The following IWS1 variants were observed in gnomAD, a reference collection of about 807,000 sequenced individuals.
IWS1 encodes interacts with SUPT6H, CTD assembly factor 1.
IWS1 carries 27 observed loss-of-function variants against 86.7 expected under a neutral mutation model. The observed-to-expected ratio is 0.31, with a 90% confidence interval of 0.23 to 0.43. The LOEUF is 0.43. Among genes scored for constraint, IWS1 ranks in the 20% least tolerant of loss-of-function variants. The probability of loss-of-function intolerance (pLI) is 1.00; values close to 1 mark genes in which losing one functional copy is unlikely to be tolerated. For synonymous variants in IWS1, 313 were observed against 335.1 expected (o/e 0.93, Z 0.72); for missense variants, 827 against 1,000.8 (o/e 0.83, Z 2.34).
At chr2:127,481,209 C>G in intron 13 of IWS1, 34 bp from the exon 14 acceptor site, 1 of 1,573,702 alleles carries the variant, frequency 6.4e-7, no homozygotes, top group Non-Finnish European at 8.6e-7. Context: ...GAGCAAACTA[C>G]TGAAATACGT....
At chr2:127,521,165 T>C (rs1483776892) in intron 2 of IWS1, among the ~76,000 whole-genome samples, 1 of 152,158 alleles carries the variant, frequency 6.6e-6, no homozygotes, top group East Asian at 1.9e-4. Context: ...GGCAGGAGAA[T>C]TGCTTGAACC....
chr2:127,523,968 CAT>C lies in IWS1; in HGVS notation c.35-179_35-178del, dbSNP rs534876857. Among the ~76,000 whole-genome samples, 365 of 152,288 alleles carry C rather than the reference CAT, an allele frequency of 2.4e-3. 1 individual carries two copies. Among genetic ancestry groups the C allele is most frequent in the Non-Finnish European group, 4.2e-3 (289 of 68,020 alleles). On this transcript the variant is annotated intron_variant, in intron 1 of 13. Coordinates refer to ENST00000295321, the MANE Select transcript of IWS1 (RefSeq NM_017969.3). ...CAATACTCATACAAACACCAACAAG[CAT>C]AACATGTACTGTGAAATACGTGGCA...
intron 2 of IWS1, among the ~76,000 whole-genome samples, chr2:127,512,936 C>T (rs1257155795): frequency 6.6e-6 from 1 of 152,136 alleles, no homozygotes; most frequent in Non-Finnish European, 1.5e-5. Context: ...AAATGCATTC[C>T]AATCTAAAGA....
Position 127,486,417 on chromosome 2 carries a change from T to C in IWS1, c.2328+136A>G, listed in dbSNP as rs559448456. ...TCTATTGCTCAATTTGTGGTTTGGC[T>C]AGATAAGCGACCAGAAAACAGTCCT... On this transcript the variant is annotated intron_variant, in intron 13 of 13. Coordinates refer to ENST00000295321, the MANE Select transcript of IWS1 (RefSeq NM_017969.3). 10 of 635,014 alleles carry C rather than the reference T, an allele frequency of 1.6e-5. No individual in the cohort carries two copies. The East Asian group carries it at 1.7e-4, about 11-fold the overall frequency. The allele number at this position is 635,014 out of a possible 1,614,324, so 39.3% of individuals were successfully genotyped here. A position where few individuals can be genotyped will look rare whatever the true frequency, so the allele number is the denominator to read the frequency against.
In IWS1 at chr2:127,493,509, T is replaced by A; in HGVS notation, c.1800-99A>T. The stretch of plus-strand genomic sequence containing the variant: ...TAGTGATGTTTCTAAAAACTGCTTT[T>A]AAAGCGTTACTCATATAAATTTGAC... On this transcript the variant is annotated intron_variant, in intron 8 of 13. Coordinates refer to ENST00000295321, the MANE Select transcript of IWS1 (RefSeq NM_017969.3). The A allele has an allele frequency of 2.7e-6, 3 of 1,104,960 alleles. 1 individual carries two copies. 68.4% of individuals were successfully genotyped at this position (1,104,960 alleles called of 1,614,324 possible).
chr2:127,508,050 T>G (rs1405159616), intron 2 of IWS1, among the ~76,000 whole-genome samples: 4 of 152,206 alleles, frequency 2.6e-5, no homozygotes, highest in Non-Finnish European at 2.9e-5. Flanking sequence ...CACTTCTGAT[T>G]TGAAGCATTT....
At chr2:127,495,973 T>G (rs1489815899) in intron 7 of IWS1, 25 bp downstream of exon 7, 5 of 1,545,034 alleles carry the variant, frequency 3.2e-6, no homozygotes, top group Non-Finnish European at 3.5e-6. Context: ...GAAAAAAAGG[T>G]GAACCTAGAA....
intron 13 of IWS1, chr2:127,484,447 A>G (rs894425843): frequency 3.3e-5 from 5 of 152,352 alleles, no homozygotes; most frequent in South Asian, 2.1e-4. Flanking sequence ...TTTCCTGGAC[A>G]TGTCTTTTCT....
At chr2:127,504,118 AG>A (rs1046133226) in intron 3 of IWS1, among the ~76,000 whole-genome samples, 8 of 152,246 alleles carry the variant, frequency 5.3e-5, no homozygotes, top group African/African-American at 1.7e-4. Context: ...AAAAAAGATA[AG>A]TTTCATAAAA....
intron 1 of IWS1, 134 bp downstream of exon 1, chr2:127,526,041 T>C (rs1226517403): frequency 6.4e-6 from 5 of 787,244 alleles, no homozygotes; most frequent in African/African-American, 1.7e-5. Context: ...CAGAGGGCTC[T>C]TGCCCTCCTC....
At chr2:127,486,500 T>A (rs1049157858) in intron 13 of IWS1, 53 bp downstream of exon 13, 3 of 1,240,158 alleles carry the variant, frequency 2.4e-6, no homozygotes, top group East Asian at 4.6e-5. Context: ...AAGTAAAGAG[T>A]CAAACAGTAA....
chr2:127,506,330 C>T (rs1327900911), intron 2 of IWS1, among the ~76,000 whole-genome samples: 2 of 151,770 alleles, frequency 1.3e-5, no homozygotes, highest in Middle Eastern at 3.4e-3. Context: ...ATTGCACCAT[C>T]GCACTCCAGC....
upstream of IWS1, among the ~76,000 whole-genome samples, chr2:127,527,236 G>A (rs1245202901): frequency 6.6e-6 from 1 of 152,120 alleles, no homozygotes; most frequent in Non-Finnish European, 1.5e-5. Flanking sequence ...CTGTGACAAG[G>A]CCAGAGACCT....
At chr2:127,513,110 G>A (rs1200354036) in intron 2 of IWS1, among the ~76,000 whole-genome samples, 1 of 152,188 alleles carries the variant, frequency 6.6e-6, no homozygotes, top group African/African-American at 2.4e-5. Context: ...GTGTGGTGGC[G>A]CATGCCTGTA....
chr2:127,498,022 G>A (rs1573525609), intron 6 of IWS1, 118 bp downstream of exon 6: 1 of 709,888 alleles, frequency 1.4e-6, no homozygotes, highest in Non-Finnish European at 2.4e-6. Context: ...GAGAAAAACA[G>A]GAATAGACCC....
rs1558751183 is a variant in IWS1, at chr2:127,499,094, T to TC, written c.1468-858dup. ...ATTTGCCAGGCATAATTTTTCTTTT[T>TC]CTTTTTTTTTTTTTGAGACGGAGTC... On this transcript the variant is annotated intron_variant, in intron 5 of 13. Transcript: ENST00000295321. The surrounding 1 kb of genome is among the most constrained non-coding windows in gnomAD (Gnocchi z 4.0). Among the ~76,000 whole-genome samples the TC allele has an allele frequency of 1.8e-4, 2 of 11,374 alleles. No individual in the cohort carries two copies. The highest frequency in any genetic ancestry group is 4.6e-4 in the African/African-American group (1 of 2,154). The allele number at this position is 11,374 out of a possible 152,430, so 7.5% of individuals were successfully genotyped here.
At chr2:127,522,740 C>A (rs1692166714) in intron 2 of IWS1, among the ~76,000 whole-genome samples, 1 of 152,138 alleles carries the variant, frequency 6.6e-6, no homozygotes, top group African/African-American at 2.4e-5. Flanking sequence ...GTCGTATCTA[C>A]CAAAGACTTA....
intron 2 of IWS1, among the ~76,000 whole-genome samples, chr2:127,517,957 T>C (rs1691865759): frequency 6.6e-6 from 1 of 152,244 alleles, no homozygotes. Context: ...GTGAAATAAG[T>C]CACAAAAGAC....
intron 13 of IWS1, among the ~76,000 whole-genome samples, chr2:127,483,435 C>T (rs1689739766): frequency 6.6e-6 from 1 of 151,010 alleles, no homozygotes; most frequent in African/African-American, 2.4e-5. Context: ...ATGGTGAAAC[C>T]ATCTCTACAA....
Sources: gnomAD v4.1 joint callset for allele counts (sites outside exome capture counted in the v4.1 genomes callset) on GRCh38, gnomAD v4.1.1 for gene constraint, Gnocchi (gnomAD v3.1) non-coding constraint, MANE v1.5 for transcripts, NCBI Gene and HGNC (gene_info 2026-07-23, HGNC 2026-07-21) for gene names.